Variants in AGPAT4 observed in about 807,000 individuals in gnomAD.
The protein encoded by AGPAT4 is 1-acyl-sn-glycerol-3-phosphate acyltransferase delta.
AGPAT4 carries 15 observed loss-of-function variants against 48.0 expected under a neutral mutation model. The ratio of observed to expected loss-of-function variants is 0.31; its 90% CI spans 0.21 to 0.48. AGPAT4 has a LOEUF of 0.48. Ranked by LOEUF, AGPAT4 falls within the 20% of genes least tolerant of loss-of-function variation. The probability of loss-of-function intolerance (pLI) is 0.99; values close to 1 mark genes in which losing one functional copy is unlikely to be tolerated. For missense variants in AGPAT4, 314 were observed against 482.5 expected (o/e 0.65, Z 3.27); for synonymous variants, 178 against 198.7 (o/e 0.90, Z 0.88).
chr6:161,159,184 C>G lies in AGPAT4; in HGVS notation c.349-4874G>C, dbSNP rs907875906. On this transcript the variant is annotated intron_variant, in intron 3 of 8. Coordinates refer to ENST00000320285, the MANE Select transcript of AGPAT4 (RefSeq NM_020133.3). The surrounding 1 kb of genome is among the most constrained non-coding windows in gnomAD (Gnocchi z 4.1). ...TGGAGCCAAGACAAGCCATCCAGCC[C>G]TATCACTCCAGGGTCCCCACAAGTC... Among the ~76,000 whole-genome samples the G allele has an allele frequency of 6.6e-6, 1 of 152,154 alleles. No individual in the cohort carries two copies. Among genetic ancestry groups the G allele is most frequent in the Non-Finnish European group, 1.5e-5 (1 of 68,026 alleles).
rs919208937 is a variant in AGPAT4 at position 161,225,314 on chromosome 6, T to C, written c.178+6722A>G. On this transcript the variant is annotated intron_variant, in intron 2 of 8. Coordinates refer to ENST00000320285, the MANE Select transcript of AGPAT4 (RefSeq NM_020133.3). This position sits in a 1 kb window ranked among gnomAD's most constrained non-coding sequence, Gnocchi z 5.0. Reference sequence around the variant, plus strand: ...ACCTGTGCAGTCTAACCCTAGCCAATAGGGGAAGGACACAGCAGCAGGGGC... The same window carrying C: ...ACCTGTGCAGTCTAACCCTAGCCAACAGGGGAAGGACACAGCAGCAGGGGC... 2.0e-5 allele frequency among the ~76,000 whole-genome samples: 3 copies of C among 152,142 alleles called. No individual in the cohort carries two copies. The highest frequency in any genetic ancestry group is 2.1e-4 in the South Asian group (1 of 4,826).
In AGPAT4 at chr6:161,161,217, C is replaced by A. The variant is rs1779922949; in HGVS notation, c.348+5031G>T. The stretch of plus-strand genomic sequence containing the variant: ...GGATCCTGGTCAACAAAGAAGAAGA[C>A]CCCGGTGTGTCCAACGTGGGACCGG... On this transcript the variant is annotated intron_variant, in intron 3 of 8. Coordinates refer to ENST00000320285, the MANE Select transcript of AGPAT4 (RefSeq NM_020133.3). This position sits in a 1 kb window ranked among gnomAD's most constrained non-coding sequence, Gnocchi z 4.6. 2.2e-6 allele frequency: 1 copy of A among 456,682 alleles called. No individual in the cohort carries two copies. The highest frequency in any genetic ancestry group is 4.4e-6 in the Non-Finnish European group (1 of 226,970). The allele number at this position is 456,682 out of a possible 1,614,324, so 28.3% of individuals were successfully genotyped here.
chr6:161,193,793 A>G (rs539491553), intron 2 of AGPAT4, among the ~76,000 whole-genome samples: 28 of 152,324 alleles, frequency 1.8e-4, no homozygotes, highest in African/African-American at 6.3e-4. Context: ...TATCTGCACT[A>G]TCTTCCCTTA....
chr6:161,202,906 G>A lies in AGPAT4; in HGVS notation c.178+29130C>T, dbSNP rs1355183609. On this transcript the variant is annotated intron_variant, in intron 2 of 8. Transcript: ENST00000320285. The surrounding 1 kb of genome is among the most constrained non-coding windows in gnomAD (Gnocchi z 5.4). Reference sequence around the variant, plus strand: ...GCTATATGGATAGGTTACTCCAGTTGACAGCCCCAGTTGAGGTCCCAGCCA... The same window carrying A: ...GCTATATGGATAGGTTACTCCAGTTAACAGCCCCAGTTGAGGTCCCAGCCA... Among the ~76,000 whole-genome samples the A allele has an allele frequency of 6.6e-6, 1 of 152,150 alleles. No individual in the cohort carries two copies. The highest frequency in any genetic ancestry group is 2.4e-5 in the African/African-American group (1 of 41,432).
In AGPAT4 at chr6:161,158,177, C is replaced by T. The variant is rs1394767113; in HGVS notation, c.349-3867G>A. Among the ~76,000 whole-genome samples, 1 of 152,070 alleles carries T rather than the reference C, an allele frequency of 6.6e-6. No homozygotes were observed. Among genetic ancestry groups the T allele is most frequent in the Non-Finnish European group, 1.5e-5 (1 of 68,026 alleles). On this transcript the variant is annotated intron_variant, in intron 3 of 8. Coordinates refer to ENST00000320285, the MANE Select transcript of AGPAT4 (RefSeq NM_020133.3). The surrounding 1 kb of genome is among the most constrained non-coding windows in gnomAD (Gnocchi z 5.3). ...AGAGTCACTGTGCACAGACAGTTGC[C>T]CAAGTTAACTCACTTATGACAAAGA...
At chr6:161,203,048 C>T (rs772265032) in intron 2 of AGPAT4, among the ~76,000 whole-genome samples, 9 of 152,332 alleles carry the variant, frequency 5.9e-5, no homozygotes, top group Admixed American at 2.6e-4. Flanking sequence ...CTAGCTGTTA[C>T]CACTGGGCTC....
chr6:161,144,986 A>T lies in AGPAT4; in HGVS notation c.843+1538T>A, dbSNP rs1008909906. On this transcript the variant is annotated intron_variant, in intron 7 of 8. Transcript: ENST00000320285. The surrounding 1 kb of genome is among the most constrained non-coding windows in gnomAD (Gnocchi z 6.6). The stretch of plus-strand genomic sequence containing the variant: ...ACAGAGTGAAACTCAGTCTCAAAAA[A>T]AAAAAATAAAAAAAGTAACATTTTA... Among the ~76,000 whole-genome samples the T allele has an allele frequency of 3.3e-5, 5 of 151,720 alleles. No individual in the cohort carries two copies. Among genetic ancestry groups the T allele is most frequent in the South Asian group, 4.1e-4 (2 of 4,828 alleles).
Position 161,244,730 on chromosome 6 carries a change from G to T in AGPAT4, c.-89-12428C>A, listed in dbSNP as rs757337853. 6.6e-6 allele frequency among the ~76,000 whole-genome samples: 1 copy of T among 152,174 alleles called. No homozygotes were observed. The highest frequency in any genetic ancestry group is 1.5e-5 in the Non-Finnish European group (1 of 68,038). The stretch of plus-strand genomic sequence containing the variant: ...AAGGGTGCACACATCTCTCCCTTTG[G>T]TCTGGCCTAGCCCACCTACTCTGCC... On this transcript the variant is annotated intron_variant, in intron 1 of 8. Coordinates refer to ENST00000320285, the MANE Select transcript of AGPAT4 (RefSeq NM_020133.3). The surrounding 1 kb of genome is among the most constrained non-coding windows in gnomAD (Gnocchi z 4.7).
rs1470100823 is a variant in AGPAT4 at position 161,223,515 on chromosome 6, A to C, written c.178+8521T>G. 6.6e-6 allele frequency among the ~76,000 whole-genome samples: 1 copy of C among 152,224 alleles called. No individual in the cohort carries two copies. Among genetic ancestry groups the C allele is most frequent in the African/African-American group, 2.4e-5 (1 of 41,456 alleles). ...AATTGCCTGTTCACATAGCGGTGTTATTAAATGAGGTAATGGCTAGGAAAG... is the reference window on the plus strand; with the variant it reads ...AATTGCCTGTTCACATAGCGGTGTTCTTAAATGAGGTAATGGCTAGGAAAG... On this transcript the variant is annotated intron_variant, in intron 2 of 8. Coordinates refer to ENST00000320285, the MANE Select transcript of AGPAT4 (RefSeq NM_020133.3). This position sits in a 1 kb window ranked among gnomAD's most constrained non-coding sequence, Gnocchi z 6.3.
chr6:161,273,271 TAG>T (rs1037951251), intron 1 of AGPAT4, among the ~76,000 whole-genome samples: 4 of 152,042 alleles, frequency 2.6e-5, no homozygotes, highest in Non-Finnish European at 5.9e-5. Context: ...ATTAGGTAAA[TAG>T]AGAGGTAATT....
rs750502637 is a variant in AGPAT4, at chr6:161,154,056, C to T, written c.510+93G>A. 77 of 1,535,974 alleles carry T rather than the reference C, an allele frequency of 5.0e-5. No homozygotes were observed. The highest frequency in any genetic ancestry group is 6.4e-5 in the Non-Finnish European group (72 of 1,116,788). ...ACAGCCCTGGAGTCGCACAGGACCA[C>T]ACAGTCACGTGTCCTGTGGAAGTCA... is the stretch of plus-strand genomic sequence containing the variant. On this transcript the variant is annotated intron_variant, in intron 4 of 8. Transcript: ENST00000320285. The surrounding 1 kb of genome is among the most constrained non-coding windows in gnomAD (Gnocchi z 7.8).
chr6:161,149,967 T>G lies in AGPAT4; in HGVS notation c.665-678A>C, dbSNP rs1208647176. Among the ~76,000 whole-genome samples the G allele has an allele frequency of 6.6e-6, 1 of 152,190 alleles. No individual in the cohort carries two copies. Among genetic ancestry groups the G allele is most frequent in the Admixed American group, 6.5e-5 (1 of 15,274 alleles). On this transcript the variant is annotated intron_variant, in intron 5 of 8. Coordinates refer to ENST00000320285, the MANE Select transcript of AGPAT4 (RefSeq NM_020133.3). The surrounding 1 kb of genome is among the most constrained non-coding windows in gnomAD (Gnocchi z 6.5). ...ACACCGAAATTTGAACAAGTGTGGA[T>G]GATAAGAAAAATTATTCCAAAGGAA...
rs1420595809 is a variant in AGPAT4 at position 161,259,600 on chromosome 6, G to A, written c.-90+14338C>T. Among the ~76,000 whole-genome samples, 1 of 152,050 alleles carries A rather than the reference G, an allele frequency of 6.6e-6. No homozygotes were observed. The highest frequency in any genetic ancestry group is 1.5e-5 in the Non-Finnish European group (1 of 68,018). ...CATTTGCCAGGCCTGGTCAAAATGA[G>A]AATGTGGGGTTCCTTCTTCAAAAAC... On this transcript the variant is annotated intron_variant, in intron 1 of 8. Coordinates refer to ENST00000320285, the MANE Select transcript of AGPAT4 (RefSeq NM_020133.3). This position sits in a 1 kb window ranked among gnomAD's most constrained non-coding sequence, Gnocchi z 4.9.
rs1780860814 is a variant in AGPAT4, at chr6:161,189,445, G to T, written c.179-23028C>A. Among the ~76,000 whole-genome samples the T allele has an allele frequency of 1.3e-5, 2 of 152,156 alleles. No homozygotes were observed. Among genetic ancestry groups the T allele is most frequent in the South Asian group, 4.1e-4 (2 of 4,824 alleles). On this transcript the variant is annotated intron_variant, in intron 2 of 8. Coordinates refer to ENST00000320285, the MANE Select transcript of AGPAT4 (RefSeq NM_020133.3). The surrounding 1 kb of genome is among the most constrained non-coding windows in gnomAD (Gnocchi z 5.3). Reference sequence around the variant, plus strand: ...GGTGAAGAGAGAACCCACATGTATTGTACACACACTGTAGCCACACAGTGA... The same window carrying T: ...GGTGAAGAGAGAACCCACATGTATTTTACACACACTGTAGCCACACAGTGA...
In AGPAT4 at chr6:161,139,570, G is replaced by A; in HGVS notation, c.894C>T (p.Pro298=). ...TCCAGGGCCGCCGGGGGGGCACCAT[G>A]GGCGTCTCTGGGAAGGTGCCCGTCC... ...YYRTGTFPET[P]MVPPRRPWTL... is the part of the protein sequence containing the mutation. Residue 298 remains proline (P), a synonymous_variant, in exon 8 of 9, where the codon CCC becomes CCT. Coordinates refer to ENST00000320285, the MANE Select transcript of AGPAT4 (RefSeq NM_020133.3). The surrounding 1 kb of genome is among the most constrained non-coding windows in gnomAD (Gnocchi z 9.1). 3.1e-6 allele frequency: 5 copies of A among 1,613,916 alleles called. No homozygotes were observed. Among genetic ancestry groups the A allele is most frequent in the Non-Finnish European group, 3.4e-6 (4 of 1,179,882 alleles).
In AGPAT4 at chr6:161,141,505, G is replaced by C. The variant is rs1005281389; in HGVS notation, c.844-1885C>G. Among the ~76,000 whole-genome samples the C allele has an allele frequency of 2.6e-5, 4 of 152,090 alleles. No individual in the cohort carries two copies. Among genetic ancestry groups the C allele is most frequent in the Non-Finnish European group, 4.4e-5 (3 of 68,032 alleles). ...GGCATTCGCCTGCCCACCAGAACGGGGTGATTTTCTTATCCCAGGTTGGGG... is the reference window on the plus strand; with the variant it reads ...GGCATTCGCCTGCCCACCAGAACGGCGTGATTTTCTTATCCCAGGTTGGGG... On this transcript the variant is annotated intron_variant, in intron 7 of 8. Transcript: ENST00000320285. The surrounding 1 kb of genome is among the most constrained non-coding windows in gnomAD (Gnocchi z 6.7).
rs927927246 is a variant in AGPAT4, at chr6:161,178,396, T to C, written c.179-11979A>G. 6.6e-6 allele frequency among the ~76,000 whole-genome samples: 1 copy of C among 152,192 alleles called. No individual in the cohort carries two copies. Among genetic ancestry groups the C allele is most frequent in the Non-Finnish European group, 1.5e-5 (1 of 68,028 alleles). On this transcript the variant is annotated intron_variant, in intron 2 of 8. Transcript: ENST00000320285. The surrounding 1 kb of genome is among the most constrained non-coding windows in gnomAD (Gnocchi z 5.1). Reference sequence around the variant, plus strand: ...TTCGATCAGACTTCTGTGCTAGCAATGAGCAAGGCTCCGTGGGCGTCGGAC... The same window carrying C: ...TTCGATCAGACTTCTGTGCTAGCAACGAGCAAGGCTCCGTGGGCGTCGGAC...
At chr6:161,182,772 T>G (rs1288588402) in intron 2 of AGPAT4, among the ~76,000 whole-genome samples, 1 of 152,208 alleles carries the variant, frequency 6.6e-6, no homozygotes, top group Non-Finnish European at 1.5e-5. Flanking sequence ...TCCCTGCCCA[T>G]GACATAGCCT....
intron 3 of AGPAT4, among the ~76,000 whole-genome samples, chr6:161,156,166 GATAT>G (rs1779762327): frequency 6.6e-6 from 1 of 152,188 alleles, no homozygotes; most frequent in Non-Finnish European, 1.5e-5. Context: ...AAAATGTTTA[GATAT>G]CCCACGGTAG....
Sources: allele counts gnomAD v4.1 joint callset (sites outside exome capture counted in the v4.1 genomes callset), GRCh38; gene constraint gnomAD v4.1.1; non-coding constraint Gnocchi (gnomAD v3.1); transcripts MANE v1.5; gene names NCBI Gene and HGNC (gene_info 2026-07-23, HGNC 2026-07-21).